The following PABPC4L variants were observed in gnomAD, a reference collection of about 807,000 sequenced individuals.
The protein encoded by PABPC4L is polyadenylate-binding protein 4-like.
For missense variants in PABPC4L, 452 were observed against 451.4 expected, an observed-to-expected ratio of 1.00 and a Z score of -0.01; for synonymous variants, 169 against 164.1, an observed-to-expected ratio of 1.03 and a Z score of -0.23.
the PABPC4L span, among the ~76,000 whole-genome samples, chr4:134,113,448 A>G: frequency 2.0e-5 from 3 of 151,914 alleles, no homozygotes; most frequent in African/African-American, 7.2e-5. Context: ...ATAACTGCCT[A>G]CAGTATTTAG....
the PABPC4L span, among the ~76,000 whole-genome samples, chr4:134,003,956 G>A: frequency 6.6e-6 from 1 of 151,882 alleles, no homozygotes; most frequent in Non-Finnish European, 1.5e-5. Flanking sequence ...GCAAAACACT[G>A]AAAGTGTACC....
At chr4:134,024,276 T>G in the PABPC4L span, among the ~76,000 whole-genome samples, 1 of 152,158 alleles carries the variant, frequency 6.6e-6, no homozygotes, top group Non-Finnish European at 1.5e-5. Flanking sequence ...CTCCTGTGTA[T>G]AGAACCTCAT....
the PABPC4L span, among the ~76,000 whole-genome samples, chr4:134,101,904 C>T: frequency 6.6e-6 from 1 of 151,456 alleles, no homozygotes; most frequent in Non-Finnish European, 1.5e-5. Context: ...GCATATGTTT[C>T]ATTCAACCCA....
the PABPC4L span, among the ~76,000 whole-genome samples, chr4:134,066,339 A>T: frequency 6.6e-6 from 1 of 151,948 alleles, no homozygotes; most frequent in East Asian, 1.9e-4. Context: ...TTCAGCTCTC[A>T]GTTTGGATGT....
the PABPC4L span, among the ~76,000 whole-genome samples, chr4:134,009,882 G>T: frequency 3.9e-5 from 6 of 151,962 alleles, no homozygotes; most frequent in East Asian, 7.7e-4. Context: ...CATTGAAAAG[G>T]GTATTTGGGC....
chr4:133,978,266 T>G, the PABPC4L span, among the ~76,000 whole-genome samples: 1 of 152,014 alleles, frequency 6.6e-6, no homozygotes, highest in South Asian at 2.1e-4. Context: ...AGGTGCTAGA[T>G]AAGAGCAAAA....
At chr4:133,958,256 T>A in the PABPC4L span, among the ~76,000 whole-genome samples, 2 of 152,188 alleles carry the variant, frequency 1.3e-5, no homozygotes, top group Non-Finnish European at 2.9e-5. Context: ...CCAAACCCAA[T>A]GCTAAAGCAT....
At chr4:133,987,462 G>C in the PABPC4L span, among the ~76,000 whole-genome samples, 1 of 151,996 alleles carries the variant, frequency 6.6e-6, no homozygotes, top group African/African-American at 2.4e-5. Flanking sequence ...AAGGAAACAG[G>C]TTAATACTAC....
chr4:133,980,471 T>G, the PABPC4L span, among the ~76,000 whole-genome samples: 1 of 152,130 alleles, frequency 6.6e-6, no homozygotes, highest in African/African-American at 2.4e-5. Context: ...TAGTATAAGC[T>G]TGAGTCTAGA....
chr4:134,085,487 T>A, the PABPC4L span, among the ~76,000 whole-genome samples: 2,143 of 152,078 alleles, frequency 0.014, 44 homozygotes, highest in African/African-American at 0.048. Flanking sequence ...TAAGTGCACA[T>A]CTTGCTTAAT....
the PABPC4L span, among the ~76,000 whole-genome samples, chr4:133,996,828 A>G: frequency 6.6e-6 from 1 of 152,298 alleles, no homozygotes; most frequent in Admixed American, 6.5e-5. Flanking sequence ...TTAATGACAA[A>G]GGCTTGGAGC....
At chr4:133,982,114 C>T in the PABPC4L span, among the ~76,000 whole-genome samples, 3 of 151,832 alleles carry the variant, frequency 2.0e-5, no homozygotes, top group East Asian at 1.9e-4. Context: ...AAAATATAAA[C>T]GTCTATTCCT....
the PABPC4L span, among the ~76,000 whole-genome samples, chr4:133,994,702 G>A: frequency 8.3e-4 from 127 of 152,120 alleles, 1 homozygote; most frequent in Admixed American, 1.8e-3. Flanking sequence ...TGTGGCTCCC[G>A]TGCTTCCAAA....
At chr4:134,193,743 C>T (rs531534490), downstream of PABPC4L, among the ~76,000 whole-genome samples, 1 of 151,880 alleles carries the variant, frequency 6.6e-6, no homozygotes. Flanking sequence ...CACCTTGTCT[C>T]TCCACAAGGG....
At chr4:134,026,619 G>T in the PABPC4L span, among the ~76,000 whole-genome samples, 1 of 151,918 alleles carries the variant, frequency 6.6e-6, no homozygotes, top group East Asian at 1.9e-4. Flanking sequence ...GTTGAATTGT[G>T]TCCCCCCCCA....
At chr4:134,130,834 T>C in the PABPC4L span, among the ~76,000 whole-genome samples, 1 of 152,060 alleles carries the variant, frequency 6.6e-6, no homozygotes, top group Non-Finnish European at 1.5e-5. Context: ...ATCAAAAAGA[T>C]AATCCACCAT....
the PABPC4L span, among the ~76,000 whole-genome samples, chr4:134,187,248 G>T: frequency 6.6e-6 from 1 of 151,922 alleles, no homozygotes; most frequent in African/African-American, 2.4e-5. Flanking sequence ...ACACACGTAT[G>T]GTTATTGTGG....
chr4:134,078,191 G>T, the PABPC4L span, among the ~76,000 whole-genome samples: 2 of 152,152 alleles, frequency 1.3e-5, no homozygotes, highest in African/African-American at 2.4e-5. Flanking sequence ...ACCAAGCACA[G>T]AAATTATTAG....
the PABPC4L span, among the ~76,000 whole-genome samples, chr4:134,005,344 TATA>T: frequency 8.6e-5 from 13 of 152,022 alleles, no homozygotes; most frequent in South Asian, 2.5e-3. Context: ...TACCTTTGCA[TATA>T]ATAATGAGTA....
Sources: allele counts gnomAD v4.1 joint callset (sites outside exome capture counted in the v4.1 genomes callset), GRCh38; gene constraint gnomAD v4.1.1; transcripts MANE v1.5; gene names NCBI Gene and HGNC (gene_info 2026-07-23, HGNC 2026-07-21).